The following MPRIP variants were observed in gnomAD, a reference collection of about 807,000 sequenced individuals.
MPRIP encodes the protein myosin phosphatase Rho-interacting protein.
MPRIP carries 59 observed loss-of-function variants against 234.9 expected under a neutral mutation model. The ratio of observed to expected loss-of-function variants is 0.25; its 90% confidence interval spans 0.20 to 0.31. The LOEUF is 0.31. MPRIP is among the 10% of genes least tolerant of loss of function. The pLI is 1.00. For missense variants in MPRIP, 2,436 were observed against 3,071.0 expected (o/e 0.79, Z 4.89); for synonymous variants, 1,144 against 1,263.9 (o/e 0.91, Z 2.01).
At chr17:17,064,270 C>T (rs1597736325) in intron 1 of MPRIP, among the ~76,000 whole-genome samples, 2 of 150,956 alleles carry the variant, frequency 1.3e-5, no homozygotes, top group South Asian at 2.1e-4. Flanking sequence ...GGCGCAATCT[C>T]GGCTCACTGC....
At position 17,154,406 on chromosome 17, in the gene MPRIP, A is replaced by G; in HGVS notation, c.1820A>G (p.Asp607Gly). The change falls in exon 13 of 24, where the codon GAT becomes GGT. Residue 607 changes from aspartate (D) to glycine (G), a missense_variant. This residue lies in a region of MPRIP where 1,998 missense variants were observed against 2,520.3 expected (regional missense o/e 0.79). Transcript: ENST00000651222. ...CACGTGCACCCGACCACTGCCCCGG[A>G]TGTGACCAGGTAGGATGGTGAAGAC... ...MKHVHPTTAP[D>G]VTSSLPEEKN... 6.2e-7 allele frequency: 1 copy of G among 1,614,028 alleles called. No homozygotes were observed. The highest frequency in any genetic ancestry group is 8.5e-7 in the Non-Finnish European group (1 of 1,179,948).
At chr17:17,178,160 C>A (rs950711344) in intron 22 of MPRIP, among the ~76,000 whole-genome samples, 1 of 152,006 alleles carries the variant, frequency 6.6e-6, no homozygotes, top group Non-Finnish European at 1.5e-5. Flanking sequence ...TGGGCTCAAG[C>A]GATCCAGCCA....
chr17:17,177,383 C>T lies in MPRIP; in HGVS notation c.7091C>T (p.Ser2364Phe). 3 of 1,613,772 alleles carry T rather than the reference C, an allele frequency of 1.9e-6. No individual in the cohort carries two copies. Among genetic ancestry groups the T allele is most frequent in the Non-Finnish European group, 2.5e-6 (3 of 1,180,020 alleles). Residue 2364 changes from serine to phenylalanine, a missense_variant, in exon 22 of 24, where the codon TCC becomes TTC. Transcript: ENST00000651222. ...GCAACGGAAGCACTGGGGGAGAAGT[C>T]CCCTGACAGTGCCACGGTGTCCGGA... ...KAATEALGEK[S>F]PDSATVSGYD... is the part of the protein sequence containing the mutation.
chr17:17,127,089 T>C (rs1334017630), intron 4 of MPRIP, among the ~76,000 whole-genome samples: 1 of 152,148 alleles, frequency 6.6e-6, no homozygotes, highest in Non-Finnish European at 1.5e-5. Flanking sequence ...CTTACCCTCC[T>C]CGGGCCTCCC....
At chr17:17,057,664 G>A (rs6502557) in intron 1 of MPRIP, 110,035 of 717,724 alleles carry the variant, frequency 0.15, 8,947 homozygotes, top group Middle Eastern at 0.22. Flanking sequence ...GAAATGAAAC[G>A]TGGAGCTCAC....
At chr17:17,101,985 C>T (rs1016788391) in intron 3 of MPRIP, among the ~76,000 whole-genome samples, 3 of 152,178 alleles carry the variant, frequency 2.0e-5, no homozygotes, top group East Asian at 1.9e-4. Flanking sequence ...GAAGAGGAAA[C>T]GTCCAGGTGG....
intron 4 of MPRIP, among the ~76,000 whole-genome samples, chr17:17,129,914 G>T (rs2090563653): frequency 6.6e-6 from 1 of 152,200 alleles, no homozygotes. Context: ...ATCCCATAGG[G>T]CTTGTGAACA....
At chr17:17,176,556 C>G (rs570978575) in intron 21 of MPRIP, 44 bp downstream of exon 21, 2 of 1,463,776 alleles carry the variant, frequency 1.4e-6, no homozygotes, top group South Asian at 1.1e-5. Context: ...GGAACAGGCT[C>G]TAGGTGACAT....
At chr17:17,149,415 C>G (rs2045548243) in intron 11 of MPRIP, among the ~76,000 whole-genome samples, 1 of 151,856 alleles carries the variant, frequency 6.6e-6, no homozygotes, top group South Asian at 2.1e-4. Flanking sequence ...ATCACTTGAA[C>G]CCGGGAGGCA....
At chr17:17,105,249 C>T (rs1313880323) in intron 3 of MPRIP, among the ~76,000 whole-genome samples, 1 of 152,182 alleles carries the variant, frequency 6.6e-6, no homozygotes. Flanking sequence ...GAGGGCCCAA[C>T]AGGGATGCTC....
chr17:17,047,794 A>G (rs2088401584), intron 1 of MPRIP, among the ~76,000 whole-genome samples: 1 of 152,202 alleles, frequency 6.6e-6, no homozygotes, highest in Non-Finnish European at 1.5e-5. Flanking sequence ...TTATGGACGT[A>G]GAGGGAGGCT....
Position 17,150,139 on chromosome 17 carries a change from G to C in MPRIP, c.1630-5G>C, listed in dbSNP as rs527581193. 29 of 1,610,740 alleles carry C rather than the reference G, an allele frequency of 1.8e-5. No individual in the cohort carries two copies. The South Asian group carries it at 3.0e-4, about 16-fold the overall frequency. On this transcript the variant is annotated splice_region_variant and splice_polypyrimidine_tract_variant and intron_variant, in intron 11 of 23. Transcript: ENST00000651222. ...ATCTCAAGACATTCTCACTTCCCTCGGCAGGCAGCCGACTTGGATGGAGAA... is the reference window on the plus strand; with the variant it reads ...ATCTCAAGACATTCTCACTTCCCTCCGCAGGCAGCCGACTTGGATGGAGAA...
At chr17:17,107,710 G>A (rs900503608) in intron 3 of MPRIP, among the ~76,000 whole-genome samples, 9 of 152,192 alleles carry the variant, frequency 5.9e-5, no homozygotes, top group African/African-American at 1.7e-4. Flanking sequence ...CTCTGATGGC[G>A]GGGGAAACCC....
intron 5 of MPRIP, among the ~76,000 whole-genome samples, chr17:17,132,275 C>T (rs1037027695): frequency 3.3e-5 from 5 of 152,202 alleles, no homozygotes; most frequent in African/African-American, 1.2e-4. Context: ...GGTCCTACAC[C>T]GCCTTACCAC....
chr17:17,174,546 G>C (rs2046212730), intron 19 of MPRIP, among the ~76,000 whole-genome samples: 1 of 152,036 alleles, frequency 6.6e-6, no homozygotes, highest in East Asian at 1.9e-4. Flanking sequence ...CTTAAGATTT[G>C]CTTGCTCTGT....
Position 17,166,600 on chromosome 17 carries a change from C to G in MPRIP, c.5009C>G (p.Ala1670Gly). ...CTGGCCAATGCCACATGGGTCAGGG[C>G]AGAGCTCAGCTTTGCCACACAGTCA... is the stretch of plus-strand genomic sequence containing the variant. ...PILANATWVR[A>G]ELSFATQSVR... The change falls in exon 16 of 24, where the codon GCA becomes GGA. Residue 1670 changes from alanine to glycine, a missense_variant. Ala to Gly is a moderately conservative substitution (Grantham distance 60). Coordinates refer to ENST00000651222, the MANE Select transcript of MPRIP (RefSeq NM_001364716.4). The surrounding 1 kb of genome is among the most constrained non-coding windows in gnomAD (Gnocchi z 4.4). 5 of 1,304,088 alleles carry G rather than the reference C, an allele frequency of 3.8e-6. No homozygotes were observed. Among genetic ancestry groups the G allele is most frequent in the Non-Finnish European group, 5.1e-6 (5 of 988,890 alleles). 80.8% of individuals were successfully genotyped at this position (1,304,088 alleles called of 1,614,324 possible).
intron 1 of MPRIP, among the ~76,000 whole-genome samples, chr17:17,045,810 T>G (rs1597705389): frequency 6.6e-6 from 1 of 151,184 alleles, no homozygotes; most frequent in Non-Finnish European, 1.5e-5. Context: ...ATATACAGTT[T>G]TTTTTTTTTT....
intron 23 of MPRIP, among the ~76,000 whole-genome samples, chr17:17,181,245 C>T (rs991621270): frequency 6.6e-6 from 1 of 152,068 alleles, no homozygotes; most frequent in Admixed American, 6.5e-5. Context: ...ATTGAAGGCC[C>T]TATGCCAGAG....
chr17:17,105,858 G>A (rs2090053237), intron 3 of MPRIP, among the ~76,000 whole-genome samples: 1 of 152,184 alleles, frequency 6.6e-6, no homozygotes, highest in African/African-American at 2.4e-5. Context: ...TTAGGATTAG[G>A]TTAAGGTTTT....
Sources: gnomAD v4.1 joint callset for allele counts (sites outside exome capture counted in the v4.1 genomes callset) on GRCh38, gnomAD v4.1.1 for gene constraint, gnomAD v4.1.1 regional missense constraint, Gnocchi (gnomAD v3.1) non-coding constraint, MANE v1.5 for transcripts, NCBI Gene and HGNC (gene_info 2026-07-23, HGNC 2026-07-21) for gene names.